The following BPHL variants were observed in gnomAD, a reference collection of about 807,000 sequenced individuals.
BPHL encodes the protein biphenyl hydrolase like, also known as serine hydrolase BPHL.
Under a neutral mutation model 31.2 loss-of-function variants are expected in BPHL, and 27 were observed. That is an observed-to-expected ratio of 0.87 (90% CI 0.64 to 1.19). The LOEUF (loss-of-function observed/expected upper bound fraction) is 1.19. Ranked by LOEUF, BPHL falls within the 50% of genes most tolerant of loss-of-function variation. BPHL has a pLI of 0.00. For missense variants in BPHL, 356 were observed against 375.7 expected, an observed-to-expected ratio of 0.95 and a Z score of 0.43; for synonymous variants, 150 against 146.8, an observed-to-expected ratio of 1.02 and a Z score of -0.16.
chr6:3,131,886 G>A (rs1212416274), intron 4 of BPHL, among the ~76,000 whole-genome samples: 1 of 152,142 alleles, frequency 6.6e-6, no homozygotes, highest in Non-Finnish European at 1.5e-5. Context: ...TGGCGTCCCG[G>A]AGCCCTGAGA....
intron 6 of BPHL, 69 bp from the exon 7 acceptor site, chr6:3,152,419 G>T: frequency 1.5e-6 from 2 of 1,312,188 alleles, no homozygotes; most frequent in Non-Finnish European, 1.1e-6. Context: ...GTGAAATGTT[G>T]GGGAGAGTGA....
intron 4 of BPHL, among the ~76,000 whole-genome samples, chr6:3,133,041 T>C (rs1203856273): frequency 6.6e-6 from 1 of 152,198 alleles, no homozygotes; most frequent in Non-Finnish European, 1.5e-5. Flanking sequence ...TAAATAATAC[T>C]CTTTCTCCCT....
At chr6:3,135,379 G>A (rs188541990) in intron 4 of BPHL, among the ~76,000 whole-genome samples, 5 of 152,292 alleles carry the variant, frequency 3.3e-5, no homozygotes, top group South Asian at 2.1e-4. Context: ...GTCCGTCTAC[G>A]TGGTTCCTGC....
At chr6:3,135,639 C>G (rs1163685520) in intron 4 of BPHL, among the ~76,000 whole-genome samples, 1 of 152,172 alleles carries the variant, frequency 6.6e-6, no homozygotes. Context: ...TTGTAAACCT[C>G]GTCTTTCCAT....
intron 6 of BPHL, among the ~76,000 whole-genome samples, chr6:3,145,019 C>G (rs1022617185): frequency 6.6e-6 from 1 of 152,138 alleles, no homozygotes; most frequent in Non-Finnish European, 1.5e-5. Flanking sequence ...GGACTCAGAC[C>G]TCGGTTGGAG....
At position 3,130,113 on chromosome 6, in the gene BPHL, C is replaced by G. The variant is rs139163080; in HGVS notation, c.532+915C>G. ...TGAGCCCCCACGCCCAGCCTGAGGTCTTTACAGGCACTGGAATAGGGGCCA... is the reference window on the plus strand; with the variant it reads ...TGAGCCCCCACGCCCAGCCTGAGGTGTTTACAGGCACTGGAATAGGGGCCA... On this transcript the variant is annotated intron_variant, in intron 4 of 6. Transcript: ENST00000380379. 4.7e-3 allele frequency among the ~76,000 whole-genome samples: 711 copies of G among 152,288 alleles called. 6 individuals carry two copies. The highest frequency in any genetic ancestry group is 7.7e-3 in the Non-Finnish European group (526 of 68,020).
intron 5 of BPHL, chr6:3,138,084 T>G: frequency 4.0e-6 from 4 of 995,892 alleles, no homozygotes; most frequent in Non-Finnish European, 2.8e-6. Context: ...AATGGCATGA[T>G]CTCAGCTCAC....
chr6:3,122,701 C>T (rs1761608937), intron 1 of BPHL, among the ~76,000 whole-genome samples: 1 of 152,152 alleles, frequency 6.6e-6, no homozygotes, highest in Non-Finnish European at 1.5e-5. Flanking sequence ...AAGGAGGGCT[C>T]TTGAGATGGA....
intron 4 of BPHL, among the ~76,000 whole-genome samples, chr6:3,136,472 G>A (rs1401756482): frequency 1.3e-5 from 2 of 152,178 alleles, no homozygotes; most frequent in African/African-American, 4.8e-5. Context: ...CTGTAATGGG[G>A]GATCCGCCCT....
At chr6:3,152,383 G>A in intron 6 of BPHL, 105 bp from the exon 7 acceptor site, 1 of 925,082 alleles carries the variant, frequency 1.1e-6, no homozygotes. Flanking sequence ...TGGGGGAAAT[G>A]TGTTAATTTT....
chr6:3,150,165 G>C (rs77037314), intron 6 of BPHL: 1 of 152,090 alleles, frequency 6.6e-6, no homozygotes, highest in African/African-American at 2.4e-5. Context: ...GGCACTCTGC[G>C]GATTACAGAC....
At chr6:3,127,798 T>G (rs2113751606) in intron 3 of BPHL, among the ~76,000 whole-genome samples, 1 of 152,262 alleles carries the variant, frequency 6.6e-6, no homozygotes, top group East Asian at 1.9e-4. Flanking sequence ...ATTGTATGGA[T>G]GTACTGTATC....
chr6:3,152,717 G>A lies in BPHL; in HGVS notation c.*142G>A. 1.4e-6 allele frequency: 1 copy of A among 713,176 alleles called. No individual in the cohort carries two copies. Among genetic ancestry groups the A allele is most frequent in the Non-Finnish European group, 2.2e-6 (1 of 446,170 alleles). The allele number at this position is 713,176 out of a possible 1,614,324, so 44.2% of individuals were successfully genotyped here. A position where few individuals can be genotyped will look rare whatever the true frequency, so the allele number is the denominator to read the frequency against. On this transcript the variant is annotated 3_prime_UTR_variant, in exon 7 of 7. Coordinates refer to ENST00000380379, the MANE Select transcript of BPHL (RefSeq NM_004332.4). ...CTTATCCTAACCAAATGAGAATAAT[G>A]ACATATTGAAAACAGCCTCTAGCTT... is the stretch of plus-strand genomic sequence containing the variant.
At chr6:3,121,261 G>C (rs551004773) in intron 1 of BPHL, among the ~76,000 whole-genome samples, 3 of 145,570 alleles carry the variant, frequency 2.1e-5, no homozygotes, top group African/African-American at 7.6e-5. Flanking sequence ...AAAAGAAATA[G>C]CTGAACATAC....
chr6:3,137,036 C>T (rs1444720312), intron 4 of BPHL, among the ~76,000 whole-genome samples: 2 of 152,124 alleles, frequency 1.3e-5, no homozygotes, highest in African/African-American at 4.8e-5. Flanking sequence ...GTAAGTGCAG[C>T]TCTAATTTCA....
chr6:3,130,943 T>C (rs772166385), intron 4 of BPHL, among the ~76,000 whole-genome samples: 4 of 152,104 alleles, frequency 2.6e-5, no homozygotes, highest in Non-Finnish European at 5.9e-5. Flanking sequence ...GTATCCATCT[T>C]GTGCACAGTA....
chr6:3,142,221 T>C (rs968551657), intron 6 of BPHL, among the ~76,000 whole-genome samples: 3 of 151,698 alleles, frequency 2.0e-5, no homozygotes, highest in Non-Finnish European at 2.9e-5. Context: ...TGGGTTCAAG[T>C]GATTCTCCTG....
chr6:3,132,299 T>A (rs1201745926), intron 4 of BPHL, among the ~76,000 whole-genome samples: 10 of 152,094 alleles, frequency 6.6e-5, no homozygotes. Context: ...TCTTGAAGCT[T>A]TCTCTGTCTG....
At chr6:3,150,271 CTG>C (rs777670531) in intron 6 of BPHL, 2 of 152,186 alleles carry the variant, frequency 1.3e-5, no homozygotes, top group Non-Finnish European at 2.9e-5. Context: ...TTGTTACTGT[CTG>C]TAACTCCCTG....
Sources: gnomAD v4.1 joint callset for allele counts (sites outside exome capture counted in the v4.1 genomes callset) on GRCh38, gnomAD v4.1.1 for gene constraint, MANE v1.5 for transcripts, NCBI Gene and HGNC (gene_info 2026-07-23, HGNC 2026-07-21) for gene names.